The following TATDN2 variants were observed in gnomAD, a reference collection of about 807,000 sequenced individuals.
TATDN2 encodes 3'-5' RNA nuclease TATDN2.
TATDN2 carries 44 observed loss-of-function variants against 60.3 expected under a neutral mutation model. That is an observed-to-expected ratio of 0.73 (90% CI 0.57 to 0.94). The LOEUF is 0.94. Ranked by LOEUF, TATDN2 falls within the 40% of genes least tolerant of loss-of-function variation. The pLI, the probability that TATDN2 is intolerant of heterozygous loss-of-function variation, is 0.00. For synonymous variants in TATDN2, 399 were observed against 355.8 expected, an observed-to-expected ratio of 1.12 and a Z score of -1.37; for missense variants, 997 against 948.0, an observed-to-expected ratio of 1.05 and a Z score of -0.68.
intron 2 of TATDN2, among the ~76,000 whole-genome samples, chr3:10,251,148 A>AT (rs1698228420): frequency 1.3e-5 from 2 of 152,192 alleles, no homozygotes; most frequent in African/African-American, 4.8e-5. Context: ...CTTGAGGGTT[A>AT]TTGTGGGCCA....
chr3:10,253,745 A>G (rs555176392), intron 2 of TATDN2, among the ~76,000 whole-genome samples: 22 of 152,344 alleles, frequency 1.4e-4, no homozygotes, highest in African/African-American at 5.3e-4. Flanking sequence ...TTATCTCCAC[A>G]TATCCATTAG....
intron 4 of TATDN2, among the ~76,000 whole-genome samples, chr3:10,275,676 G>A (rs1023103140): frequency 6.6e-6 from 1 of 152,134 alleles, no homozygotes; most frequent in South Asian, 2.1e-4. Context: ...AACCCAGGAG[G>A]TGGAGGCTGA....
At chr3:10,279,171 T>A in intron 7 of TATDN2, 50 bp from the exon 8 acceptor site, 2 of 1,160,094 alleles carry the variant, frequency 1.7e-6, no homozygotes, top group Non-Finnish European at 2.4e-6. Flanking sequence ...CCTGATTTGT[T>A]TTGAGTGACA....
In TATDN2 at chr3:10,248,880, G is replaced by A. The variant is rs538379925; in HGVS notation, c.-194G>A. 6.9e-5 allele frequency: 23 copies of A among 335,646 alleles called. No individual in the cohort carries two copies. In the East Asian group the frequency reaches 1.1e-3, roughly 16 times the overall value. The allele number at this position is 335,646 out of a possible 1,614,324, so 20.8% of individuals were successfully genotyped here. Reference sequence around the variant, plus strand: ...ACTGATCAAAGCGCTTCGTAGCCCCGGAAGCGCTTAGGCATCTCCGAAGTA... The same window carrying A: ...ACTGATCAAAGCGCTTCGTAGCCCCAGAAGCGCTTAGGCATCTCCGAAGTA... On this transcript the variant is annotated 5_prime_UTR_variant, in exon 1 of 8. Coordinates refer to ENST00000448281, the MANE Select transcript of TATDN2 (RefSeq NM_014760.4).
intron 2 of TATDN2, among the ~76,000 whole-genome samples, chr3:10,258,390 G>GC: frequency 6.6e-6 from 1 of 152,040 alleles, no homozygotes; most frequent in African/African-American, 2.4e-5. Context: ...TGATTCTCCT[G>GC]CCTCAGCCTC....
intron 2 of TATDN2, among the ~76,000 whole-genome samples, chr3:10,256,520 G>A (rs889855754): frequency 3.8e-4 from 57 of 151,868 alleles, no homozygotes; most frequent in Non-Finnish European, 1.6e-4. Flanking sequence ...GTCCAGAACC[G>A]TGCCTGCTGG....
intron 3 of TATDN2, among the ~76,000 whole-genome samples, chr3:10,267,075 G>T (rs1046048399): frequency 6.6e-6 from 1 of 151,764 alleles, no homozygotes; most frequent in East Asian, 1.9e-4. Flanking sequence ...GTGCACAACC[G>T]CATTTGGCTA....
chr3:10,271,252 A>T (rs1384691153), intron 4 of TATDN2, among the ~76,000 whole-genome samples: 1 of 152,176 alleles, frequency 6.6e-6, no homozygotes, highest in South Asian at 2.1e-4. Flanking sequence ...CTTCTTATGG[A>T]TGATATCAAT....
In TATDN2 at chr3:10,260,139, T is replaced by C; in HGVS notation, c.417T>C (p.Val139=). 3 of 1,598,014 alleles carry C rather than the reference T, an allele frequency of 1.9e-6. No individual in the cohort carries two copies. Among genetic ancestry groups the C allele is most frequent in the Non-Finnish European group, 2.6e-6 (3 of 1,174,554 alleles). The part of the protein sequence containing the change: ...SLEEEACSLK[V]DSKDSSHNST... ...CAATTCTGTTTTTTTTTTCCCAGGT[T>C]GATTCCAAAGATAGTTCTCATAACT... Residue 139 remains valine (V), a splice_region_variant and synonymous_variant, in exon 3 of 8, where the codon GTT becomes GTC. Coordinates refer to ENST00000448281, the MANE Select transcript of TATDN2 (RefSeq NM_014760.4).
At chr3:10,254,784 C>T (rs1167064999) in intron 2 of TATDN2, among the ~76,000 whole-genome samples, 1 of 152,148 alleles carries the variant, frequency 6.6e-6, no homozygotes, top group African/African-American at 2.4e-5. Flanking sequence ...ATGCACAGTT[C>T]ACCAAGCAGT....
chr3:10,270,982 C>A lies in TATDN2; in HGVS notation c.1800C>A (p.Tyr600Ter), dbSNP rs779351140. ...AFGEMGLDYS[Y>*]KCTTPVPEQH... ...GAGAAATGGGCTTGGATTACTCTTACAAGTGCACCACGCCTGTCCCAGAAC... is the reference window on the plus strand; with the variant it reads ...GAGAAATGGGCTTGGATTACTCTTAAAAGTGCACCACGCCTGTCCCAGAAC... The change falls in exon 4 of 8, where the codon TAC (tyrosine) becomes TAA (stop). Residue 600 changes from tyrosine to a stop codon, truncating the protein, a stop_gained. Transcript: ENST00000448281. LOFTEE classifies it high-confidence loss of function. The A allele has an allele frequency of 1.9e-6, 3 of 1,606,892 alleles. No homozygotes were observed. The highest frequency in any genetic ancestry group is 1.7e-6 in the Non-Finnish European group (2 of 1,177,032).
intron 4 of TATDN2, among the ~76,000 whole-genome samples, chr3:10,273,373 G>A (rs1698593434): frequency 1.3e-5 from 2 of 152,228 alleles, no homozygotes; most frequent in Non-Finnish European, 2.9e-5. Context: ...CTAGTTGGAT[G>A]TCAGTGCTGA....
At position 10,278,712 on chromosome 3, in the gene TATDN2, C is replaced by T; in HGVS notation, c.2146-173C>T. ...GAGGGTAGTCCAAGGAAGCGTGGGACCCTGCTCACCCAGAGCCCCCATGAC... is the reference window on the plus strand; with the variant it reads ...GAGGGTAGTCCAAGGAAGCGTGGGATCCTGCTCACCCAGAGCCCCCATGAC... On this transcript the variant is annotated intron_variant, in intron 6 of 7. Coordinates refer to ENST00000448281, the MANE Select transcript of TATDN2 (RefSeq NM_014760.4). This position sits in a 1 kb window ranked among gnomAD's most constrained non-coding sequence, Gnocchi z 4.7. The T allele has an allele frequency of 9.2e-7, 1 of 1,091,034 alleles. No individual in the cohort carries two copies. The highest frequency in any genetic ancestry group is 1.4e-6 in the Non-Finnish European group (1 of 738,726). 67.6% of individuals were successfully genotyped at this position (1,091,034 alleles called of 1,614,324 possible).
In TATDN2 at chr3:10,270,374, A is replaced by G; in HGVS notation, c.1192A>G (p.Thr398Ala). ...SSPKPSSYPS[T>A]GSSSNDAAQV... Reference sequence around the variant, plus strand: ...CCCCAAGCCTTCTAGCTACCCCTCCACAGGCAGCAGCAGCAACGATGCAGC... The same window carrying G: ...CCCCAAGCCTTCTAGCTACCCCTCCGCAGGCAGCAGCAGCAACGATGCAGC... Residue 398 changes from threonine to alanine, a missense_variant, in exon 4 of 8, where the codon ACA becomes GCA. Physicochemically the swap from Thr to Ala is moderately conservative, Grantham distance 58. Coordinates refer to ENST00000448281, the MANE Select transcript of TATDN2 (RefSeq NM_014760.4). The G allele has an allele frequency of 6.2e-7, 1 of 1,614,090 alleles. No individual in the cohort carries two copies. The highest frequency in any genetic ancestry group is 8.5e-7 in the Non-Finnish European group (1 of 1,180,020).
chr3:10,261,160 C>G (rs1698396328), intron 3 of TATDN2, among the ~76,000 whole-genome samples: 1 of 152,170 alleles, frequency 6.6e-6, no homozygotes, highest in African/African-American at 2.4e-5. Context: ...GAGCTTGGCT[C>G]AAGAGTTGCA....
Position 10,260,617 on chromosome 3 carries a change from T to TCTCCACC in TATDN2, c.897_903dup (p.Leu302SerfsTer8). 1 of 1,614,110 alleles carries TCTCCACC rather than the reference T, an allele frequency of 6.2e-7. No individual in the cohort carries two copies. Among genetic ancestry groups the TCTCCACC allele is most frequent in the Non-Finnish European group, 8.5e-7 (1 of 1,180,014 alleles). On this transcript the variant is annotated frameshift_variant, in exon 3 of 8. Coordinates refer to ENST00000448281, the MANE Select transcript of TATDN2 (RefSeq NM_014760.4). LOFTEE classifies it high-confidence loss of function. ...CCGAAGGACTGTCATTGACAAATGC[T>TCTCCACC]CTCCACCCCTAGAGTTCTTGGATGA...
rs770797723 is a variant in TATDN2, at chr3:10,260,257, C to A, written c.535C>A (p.Arg179=). The A allele has an allele frequency of 6.2e-7, 1 of 1,614,174 alleles. No individual in the cohort carries two copies. Among genetic ancestry groups the A allele is most frequent in the Non-Finnish European group, 8.5e-7 (1 of 1,180,034 alleles). Residue 179 remains arginine, a synonymous_variant, in exon 3 of 8, where the codon CGA becomes AGA. Transcript: ENST00000448281. The part of the protein sequence containing the change: ...KVQKRKRDRL[R]DQGSTMIYLK... ...CCAGAAAAGGAAGAGGGATAGACTT[C>A]GAGACCAGGGCTCCACAATGATCTA...
intron 5 of TATDN2, among the ~76,000 whole-genome samples, 173 bp downstream of exon 5, chr3:10,276,661 T>G (rs568147027): frequency 6.6e-6 from 1 of 152,156 alleles, no homozygotes; most frequent in Non-Finnish European, 1.5e-5. Context: ...CAATTTCAGC[T>G]CACTGCAACC....
intron 2 of TATDN2, among the ~76,000 whole-genome samples, chr3:10,253,565 G>A (rs1251076097): frequency 6.6e-6 from 1 of 152,160 alleles, no homozygotes; most frequent in African/African-American, 2.4e-5. Context: ...GCACCTTCAT[G>A]TAGTAAAGAT....
Sources: gnomAD v4.1 joint callset for allele counts (sites outside exome capture counted in the v4.1 genomes callset) on GRCh38, gnomAD v4.1.1 for gene constraint, Gnocchi (gnomAD v3.1) non-coding constraint, MANE v1.5 for transcripts, NCBI Gene and HGNC (gene_info 2026-07-23, HGNC 2026-07-21) for gene names.